Variants in CNST observed in about 807,000 individuals in gnomAD.
The protein encoded by CNST is consortin, connexin sorting protein, also known as consortin.
CNST carries 39 observed loss-of-function variants against 72.4 expected under a neutral mutation model. That is an observed-to-expected ratio of 0.54 (90% CI 0.42 to 0.70). The LOEUF is 0.70. CNST is among the 30% of genes least tolerant of loss of function. The pLI, the probability that CNST is intolerant of heterozygous loss-of-function variation, is 0.00. For missense variants in CNST, 871 were observed against 868.5 expected (o/e 1.00, Z -0.04); for synonymous variants, 332 against 320.1 (o/e 1.04, Z -0.40).
chr1:246,569,935 A>G, intron 1 of CNST: 3 of 983,160 alleles, frequency 3.1e-6, no homozygotes, highest in Non-Finnish European at 3.6e-6. Context: ...ATTGAACTTT[A>G]TTGTGAACAG....
At position 246,634,405 on chromosome 1, in the gene CNST, TTTGTTTG is replaced by T. The variant is rs1293343037; in HGVS notation, c.704-65_704-59del. The stretch of plus-strand genomic sequence containing the variant: ...CTTTATGAGTGGTGCTAGTTAACTG[TTTGTTTG>T]TTTTTTTGCTCCTAAATATGTTTTA... On this transcript the variant is annotated intron_variant, in intron 5 of 10. Coordinates refer to ENST00000366513, the MANE Select transcript of CNST (RefSeq NM_152609.3). 4 of 876,494 alleles carry T rather than the reference TTTGTTTG, an allele frequency of 4.6e-6. No homozygotes were observed. In the South Asian group the frequency reaches 6.9e-5, roughly 15 times the overall value. The allele number at this position is 876,494 out of a possible 1,614,324, so 54.3% of individuals were successfully genotyped here.
At chr1:246,640,827 T>G (rs999110538) in intron 6 of CNST, among the ~76,000 whole-genome samples, 3 of 152,216 alleles carry the variant, frequency 2.0e-5, no homozygotes, top group Non-Finnish European at 4.4e-5. Flanking sequence ...TTAAATTTTT[T>G]AATATTTAAA....
chr1:246,625,918 C>A (rs903411628), intron 3 of CNST, among the ~76,000 whole-genome samples: 1 of 152,166 alleles, frequency 6.6e-6, no homozygotes, highest in Non-Finnish European at 1.5e-5. Context: ...TTTCATCTCA[C>A]TGGAGCTATT....
chr1:246,581,901 A>C (rs1460325638), intron 1 of CNST, among the ~76,000 whole-genome samples: 2 of 152,174 alleles, frequency 1.3e-5, no homozygotes, highest in African/African-American at 4.8e-5. Context: ...TGCTAATATC[A>C]TAGGCAAAAG....
In CNST at chr1:246,647,352, C is replaced by T. The variant is rs527643302; in HGVS notation, c.1151C>T (p.Pro384Leu). The T allele has an allele frequency of 1.5e-5, 24 of 1,614,124 alleles. No homozygotes were observed. The highest frequency in any genetic ancestry group is 8.8e-5 in the South Asian group (8 of 91,068). Reference protein sequence around the residue: ...HTQSSETAGSPSGPDSSEDAC... With the variant: ...HTQSSETAGSLSGPDSSEDAC... Reference sequence around the variant, plus strand: ...CAGTCCTCCGAGACAGCAGGGAGCCCGTCTGGGCCAGACTCTTCTGAGGAT... The same window carrying T: ...CAGTCCTCCGAGACAGCAGGGAGCCTGTCTGGGCCAGACTCTTCTGAGGAT... The change falls in exon 9 of 11, where the codon CCG becomes CTG. Residue 384 changes from proline to leucine, a missense_variant. Physicochemically the swap from Pro to Leu is moderately conservative, Grantham distance 98. Transcript: ENST00000366513.
chr1:246,595,143 G>C (rs1033871329), intron 2 of CNST, among the ~76,000 whole-genome samples: 5 of 152,272 alleles, frequency 3.3e-5, no homozygotes, highest in Admixed American at 2.0e-4. Context: ...GAGTTAGCAG[G>C]GCACAGGTGT....
chr1:246,606,389 C>A (rs577934484), intron 2 of CNST: 1 of 151,966 alleles, frequency 6.6e-6, no homozygotes, highest in Non-Finnish European at 1.5e-5. Flanking sequence ...ATGTTTGAAG[C>A]GATTTCTAGA....
At chr1:246,637,806 A>G (rs767108993) in intron 6 of CNST, among the ~76,000 whole-genome samples, 33 of 152,178 alleles carry the variant, frequency 2.2e-4, no homozygotes, top group Non-Finnish European at 8.8e-5. Flanking sequence ...GGGGAATTGT[A>G]TACATGATGA....
chr1:246,587,729 G>A (rs1183600748), intron 1 of CNST, among the ~76,000 whole-genome samples: 1 of 152,156 alleles, frequency 6.6e-6, no homozygotes, highest in East Asian at 1.9e-4. Context: ...TGAGGCTTTT[G>A]ACCTGTCATT....
chr1:246,664,676 T>C (rs1304147728), intron 10 of CNST, among the ~76,000 whole-genome samples: 1 of 152,098 alleles, frequency 6.6e-6, no homozygotes, highest in South Asian at 2.1e-4. Context: ...TCCGCCCGCC[T>C]CAGCCTCCCA....
intron 1 of CNST, chr1:246,569,875 T>G: frequency 1.1e-6 from 1 of 907,288 alleles, no homozygotes; most frequent in Non-Finnish European, 1.3e-6. Flanking sequence ...AGGCACAGTA[T>G]GAGTTTCTGT....
At chr1:246,636,253 G>T (rs1042312213) in intron 6 of CNST, among the ~76,000 whole-genome samples, 7 of 152,116 alleles carry the variant, frequency 4.6e-5, no homozygotes, top group Non-Finnish European at 8.8e-5. Flanking sequence ...TTCACCTGCG[G>T]CACGATGGGT....
rs146778531 is a variant in CNST, at chr1:246,568,934, A to G, written c.-52+2271A>G. ...TTATTTGTGAAGGCGGAGTTTTGCT[A>G]TGTTGCCCAGGCTGGTCTCAAATTC... On this transcript the variant is annotated intron_variant, in intron 1 of 10. Coordinates refer to ENST00000366513, the MANE Select transcript of CNST (RefSeq NM_152609.3). Among the ~76,000 whole-genome samples the G allele has an allele frequency of 5.2e-3, 787 of 152,140 alleles. 4 individuals carry two copies. The highest frequency in any genetic ancestry group is 0.01 in the Admixed American group (156 of 15,266).
At chr1:246,567,458 C>G (rs2102995035) in intron 1 of CNST, among the ~76,000 whole-genome samples, 1 of 152,084 alleles carries the variant, frequency 6.6e-6, no homozygotes, top group African/African-American at 2.4e-5. Flanking sequence ...TCCTTACCAC[C>G]AAGGCAAGAA....
chr1:246,576,115 A>G (rs12754118), intron 1 of CNST, among the ~76,000 whole-genome samples: 2 of 145,498 alleles, frequency 1.4e-5, no homozygotes, highest in Non-Finnish European at 3.0e-5. Context: ...GGCGCCTGTA[A>G]TCCCAGATAC....
chr1:246,643,277 T>G (rs754648668), intron 8 of CNST, among the ~76,000 whole-genome samples: 3 of 152,220 alleles, frequency 2.0e-5, no homozygotes, highest in Non-Finnish European at 4.4e-5. Context: ...CTAGGGATAT[T>G]GCCTGGGGTC....
intron 3 of CNST, among the ~76,000 whole-genome samples, chr1:246,630,948 G>T (rs1664739594): frequency 6.6e-6 from 1 of 151,994 alleles, no homozygotes; most frequent in African/African-American, 2.4e-5. Flanking sequence ...GTTTCACCGT[G>T]TTGGTCAGGC....
intron 9 of CNST, among the ~76,000 whole-genome samples, chr1:246,659,891 A>G (rs1273265670): frequency 6.6e-6 from 1 of 152,178 alleles, no homozygotes; most frequent in African/African-American, 2.4e-5. Context: ...TTTTACCGAT[A>G]ACAGGGAAGT....
At chr1:246,665,460 AT>A (rs1458521264) in intron 10 of CNST, among the ~76,000 whole-genome samples, 1 of 152,224 alleles carries the variant, frequency 6.6e-6, no homozygotes, top group East Asian at 1.9e-4. Context: ...GATTCTGTCC[AT>A]TGTATAAATG....
Sources: gnomAD v4.1 joint callset for allele counts (sites outside exome capture counted in the v4.1 genomes callset) on GRCh38, gnomAD v4.1.1 for gene constraint, MANE v1.5 for transcripts, NCBI Gene and HGNC (gene_info 2026-07-23, HGNC 2026-07-21) for gene names.